Variants in THSD7B observed in about 807,000 individuals in gnomAD.
The protein encoded by THSD7B is thrombospondin type-1 domain-containing protein 7B.
THSD7B carries 138 observed loss-of-function variants against 213.6 expected under a neutral mutation model. The ratio of observed to expected loss-of-function variants is 0.65; its 90% CI spans 0.56 to 0.74. THSD7B has a LOEUF of 0.74. Ranked by LOEUF, THSD7B falls within the 30% of genes least tolerant of loss-of-function variation. THSD7B has a pLI of 0.00. For missense variants in THSD7B, 1,931 were observed against 1,991.5 expected, an observed-to-expected ratio of 0.97 and a Z score of 0.58; for synonymous variants, 742 against 687.0, an observed-to-expected ratio of 1.08 and a Z score of -1.25.
intron 1 of THSD7B, among the ~76,000 whole-genome samples, chr2:136,881,198 T>C (rs574425280): frequency 1.3e-5 from 2 of 152,294 alleles, no homozygotes; most frequent in East Asian, 3.9e-4. Context: ...AGGAACTAGT[T>C]GCCTTGTCCT....
At chr2:136,865,756 G>A (rs529187139) in intron 1 of THSD7B, among the ~76,000 whole-genome samples, 9 of 152,316 alleles carry the variant, frequency 5.9e-5, no homozygotes, top group South Asian at 4.1e-4. Flanking sequence ...TGGAGCTGGC[G>A]TTACCAGTTA....
At chr2:137,477,689 G>A (rs570035429) in intron 15 of THSD7B, among the ~76,000 whole-genome samples, 4 of 151,488 alleles carry the variant, frequency 2.6e-5, no homozygotes, top group South Asian at 4.2e-4. Context: ...TTGTGTATTC[G>A]CTACACAATA....
At chr2:136,949,906 A>G (rs1685005477) in intron 2 of THSD7B, among the ~76,000 whole-genome samples, 2 of 152,336 alleles carry the variant, frequency 1.3e-5, no homozygotes, top group South Asian at 4.1e-4. Context: ...TTGCAGCACT[A>G]TTTACAATAG....
At chr2:137,357,178 C>A (rs1387976436) in intron 12 of THSD7B, among the ~76,000 whole-genome samples, 1 of 152,006 alleles carries the variant, frequency 6.6e-6, no homozygotes, top group East Asian at 1.9e-4. Context: ...TGGTGGGTAC[C>A]AAGGAAAGTC....
intron 2 of THSD7B, among the ~76,000 whole-genome samples, chr2:136,929,396 A>G (rs552589073): frequency 6.6e-6 from 1 of 152,334 alleles, no homozygotes; most frequent in South Asian, 2.1e-4. Context: ...AAATCAATCA[A>G]TAGTATTAAA....
At chr2:137,398,377 C>T (rs1290114662) in intron 12 of THSD7B, among the ~76,000 whole-genome samples, 5 of 147,910 alleles carry the variant, frequency 3.4e-5, no homozygotes, top group Non-Finnish European at 7.5e-5. Context: ...AGTTTTCCTT[C>T]TAACAGACAG....
chr2:136,976,416 A>T (rs1420694074), intron 2 of THSD7B, among the ~76,000 whole-genome samples: 1 of 152,160 alleles, frequency 6.6e-6, no homozygotes, highest in East Asian at 1.9e-4. Context: ...TTCTGGATCT[A>T]TTGAGATAAC....
At chr2:137,318,450 G>C (rs1684180041) in intron 12 of THSD7B, among the ~76,000 whole-genome samples, 1 of 152,038 alleles carries the variant, frequency 6.6e-6, no homozygotes, top group Admixed American at 6.6e-5. Flanking sequence ...TACTCACCCA[G>C]GAGGTACAAT....
intron 2 of THSD7B, among the ~76,000 whole-genome samples, chr2:136,890,305 T>TCC (rs140886201): frequency 0.69 from 21,070 of 30,404 alleles, 6,488 homozygotes; most frequent in Non-Finnish European, 0.73. Context: ...GTCCTACTCC[T>TCC]TCTTCTTCTT....
intron 3 of THSD7B, among the ~76,000 whole-genome samples, chr2:137,071,913 G>C (rs1471597569): frequency 1.3e-5 from 2 of 152,144 alleles, no homozygotes; most frequent in Non-Finnish European, 2.9e-5. Flanking sequence ...AGATCAGATA[G>C]TTGCAGATAT....
intron 7 of THSD7B, among the ~76,000 whole-genome samples, chr2:137,180,264 GC>G: frequency 6.6e-6 from 1 of 152,246 alleles, no homozygotes; most frequent in South Asian, 2.1e-4. Flanking sequence ...GTGAGCACTG[GC>G]TGTTATGTGA....
chr2:136,948,298 C>T (rs1684977336), intron 2 of THSD7B, among the ~76,000 whole-genome samples: 1 of 152,102 alleles, frequency 6.6e-6, no homozygotes, highest in African/African-American at 2.4e-5. Context: ...ATTGAGATTC[C>T]TTGACCTGTC....
chr2:137,245,481 A>G (rs182157969), intron 10 of THSD7B, among the ~76,000 whole-genome samples: 13 of 152,236 alleles, frequency 8.5e-5, no homozygotes, highest in Admixed American at 2.6e-4. Context: ...CAGCCTGTGT[A>G]TCTACAGAGA....
chr2:137,291,066 T>A (rs1683325407), intron 12 of THSD7B, among the ~76,000 whole-genome samples: 1 of 152,178 alleles, frequency 6.6e-6, no homozygotes, highest in Admixed American at 6.5e-5. Context: ...CCATGCACAC[T>A]TTTATGTCTC....
chr2:137,597,020 T>A (rs1681973908), intron 17 of THSD7B, among the ~76,000 whole-genome samples: 1 of 152,132 alleles, frequency 6.6e-6, no homozygotes, highest in African/African-American at 2.4e-5. Context: ...GTGTGGTTTT[T>A]CACCAGAAAG....
chr2:137,330,358 A>C (rs1340032520), intron 12 of THSD7B, among the ~76,000 whole-genome samples: 1 of 152,136 alleles, frequency 6.6e-6, no homozygotes, highest in Non-Finnish European at 1.5e-5. Context: ...GTGCACCTGG[A>C]AAAGCCACAG....
chr2:137,399,639 G>A (rs1686304510), intron 12 of THSD7B, among the ~76,000 whole-genome samples: 1 of 151,882 alleles, frequency 6.6e-6, no homozygotes, highest in African/African-American at 2.4e-5. Context: ...TCTTCTTTTT[G>A]ACTTTAGACA....
At chr2:137,130,923 T>C (rs886592336) in intron 5 of THSD7B, among the ~76,000 whole-genome samples, 1 of 151,682 alleles carries the variant, frequency 6.6e-6, no homozygotes, top group Non-Finnish European at 1.5e-5. Context: ...CAAATGGTAT[T>C]TCTAGTTCTA....
intron 1 of THSD7B, among the ~76,000 whole-genome samples, chr2:136,781,907 G>A (rs1354199811): frequency 6.6e-6 from 1 of 152,116 alleles, no homozygotes; most frequent in Non-Finnish European, 1.5e-5. Context: ...TGATTAACAT[G>A]TGACATATAC....
Sources: allele counts gnomAD v4.1 joint callset (sites outside exome capture counted in the v4.1 genomes callset), GRCh38; gene constraint gnomAD v4.1.1; transcripts MANE v1.5; gene names NCBI Gene and HGNC (gene_info 2026-07-23, HGNC 2026-07-21).